Variants in B4GALNT3 observed in about 807,000 individuals in gnomAD.
B4GALNT3 encodes beta-1,4-N-acetylgalactosaminyltransferase 3.
B4GALNT3 carries 86 observed loss-of-function variants against 120.2 expected under a neutral mutation model. The ratio of observed to expected loss-of-function variants is 0.72; its 90% CI spans 0.60 to 0.86. B4GALNT3 has a LOEUF of 0.86. Ranked by LOEUF, B4GALNT3 falls within the 40% of genes least tolerant of loss-of-function variation. The probability of loss-of-function intolerance (pLI) is 0.00; values close to 1 mark genes in which losing one functional copy is unlikely to be tolerated. For synonymous variants in B4GALNT3, 518 were observed against 510.4 expected, an observed-to-expected ratio of 1.01 and a Z score of -0.20; for missense variants, 1,167 against 1,298.9, an observed-to-expected ratio of 0.90 and a Z score of 1.56.
At chr12:543,035 A>T in intron 3 of B4GALNT3, 1 of 1,138,392 alleles carries the variant, frequency 8.8e-7, no homozygotes, top group Non-Finnish European at 1.2e-6. Flanking sequence ...GGCTCCTCCT[A>T]GTTCCCTGTC....
At chr12:498,178 T>C (rs1946406459) in intron 1 of B4GALNT3, among the ~76,000 whole-genome samples, 1 of 152,204 alleles carries the variant, frequency 6.6e-6, no homozygotes, top group South Asian at 2.1e-4. Context: ...GAAGAGAGAT[T>C]GTTTTTCTGT....
intron 1 of B4GALNT3, among the ~76,000 whole-genome samples, chr12:505,873 C>G (rs1229556936): frequency 6.6e-6 from 1 of 152,204 alleles, no homozygotes; most frequent in Non-Finnish European, 1.5e-5. Flanking sequence ...TTTAAACCCT[C>G]TCCCATGAAG....
intron 1 of B4GALNT3, among the ~76,000 whole-genome samples, chr12:472,479 C>T (rs563887507): frequency 3.6e-5 from 5 of 139,322 alleles, no homozygotes; most frequent in East Asian, 3.9e-4. Flanking sequence ...GACGGAGTCT[C>T]GCTCTTTCGC....
At position 543,133 on chromosome 12, in the gene B4GALNT3, A is replaced by ATG. The variant is rs145499399; in HGVS notation, c.352-1193_352-1192dup. 8.1e-4 allele frequency: 1,004 copies of ATG among 1,240,028 alleles called. 7 individuals are homozygous for ATG. In the South Asian group the frequency reaches 9.1e-3, roughly 11 times the overall value. The allele number at this position is 1,240,028 out of a possible 1,614,324, so 76.8% of individuals were successfully genotyped here. On this transcript the variant is annotated intron_variant, in intron 3 of 19. Coordinates refer to ENST00000266383, the MANE Select transcript of B4GALNT3 (RefSeq NM_173593.4). ...CCTGCATGGGAGGTCCAGGGAGAGT[A>ATG]TGTGTGTGTGTGTGCATGGCCAGAG...
At chr12:487,658 AG>A (rs1324880302) in intron 1 of B4GALNT3, among the ~76,000 whole-genome samples, 4 of 151,820 alleles carry the variant, frequency 2.6e-5, no homozygotes, top group Non-Finnish European at 5.9e-5. Context: ...GGTTGCAGTG[AG>A]CCGAGATCGT....
intron 14 of B4GALNT3, chr12:555,275 T>C: frequency 2.2e-6 from 1 of 450,730 alleles, no homozygotes; most frequent in Non-Finnish European, 4.5e-6. Context: ...TGGCAATAAC[T>C]ACTTTCCTTT....
intron 1 of B4GALNT3, among the ~76,000 whole-genome samples, chr12:511,455 T>TCTTCCAC (rs1343649747): frequency 0.024 from 1,026 of 41,892 alleles, 179 homozygotes; most frequent in African/African-American, 0.15. Context: ...CCTTCCACCT[T>TCTTCCAC]CTTCCACCTT....
intron 1 of B4GALNT3, among the ~76,000 whole-genome samples, chr12:506,527 C>A (rs1008844066): frequency 6.6e-6 from 1 of 152,190 alleles, no homozygotes; most frequent in Non-Finnish European, 1.5e-5. Flanking sequence ...CAGAAGTAAG[C>A]ACCATAAAAA....
intron 1 of B4GALNT3, among the ~76,000 whole-genome samples, chr12:473,967 T>A (rs1946160624): frequency 6.6e-6 from 1 of 152,068 alleles, no homozygotes; most frequent in Non-Finnish European, 1.5e-5. Context: ...GACAGATAAC[T>A]CAGGGCTGGA....
intron 1 of B4GALNT3, among the ~76,000 whole-genome samples, chr12:520,418 C>T (rs906575851): frequency 6.6e-6 from 1 of 152,184 alleles, no homozygotes. Flanking sequence ...ATAGCCAGAC[C>T]ACATATCCTG....
chr12:515,790 A>G (rs1946647475), intron 1 of B4GALNT3, among the ~76,000 whole-genome samples: 1 of 152,136 alleles, frequency 6.6e-6, no homozygotes, highest in Non-Finnish European at 1.5e-5. Flanking sequence ...TGTCAGTAAC[A>G]TTGTTTGTTG....
At chr12:477,371 G>T (rs532306835) in intron 1 of B4GALNT3, among the ~76,000 whole-genome samples, 2 of 152,274 alleles carry the variant, frequency 1.3e-5, no homozygotes, top group African/African-American at 4.8e-5. Context: ...TCAGTTGGGG[G>T]TGGATCATGC....
At chr12:552,827 G>T in intron 13 of B4GALNT3, 1 of 502,964 alleles carries the variant, frequency 2.0e-6, no homozygotes, top group Non-Finnish European at 3.5e-6. Flanking sequence ...CGCACCATTT[G>T]GGAGGTTCTG....
intron 3 of B4GALNT3, 57 bp from the exon 4 acceptor site, chr12:544,268 CCTGGAGCTGAGGAT>C: frequency 6.8e-7 from 1 of 1,464,278 alleles, no homozygotes; most frequent in Non-Finnish European, 9.5e-7. Flanking sequence ...TGCTCATCCC[CCTGGAGCTGAGGAT>C]CTGGGGCGGG....
At chr12:516,390 G>A (rs767359403) in intron 1 of B4GALNT3, among the ~76,000 whole-genome samples, 3 of 152,140 alleles carry the variant, frequency 2.0e-5, no homozygotes, top group Non-Finnish European at 4.4e-5. Flanking sequence ...AGAAACCTTC[G>A]CAGGGAAGTG....
In B4GALNT3 at chr12:488,669, A is replaced by T. The variant is rs185933560; in HGVS notation, c.169+28124A>T. Reference sequence around the variant, plus strand: ...AAAAAAATTTAAAAATTAAATTTTTAAAATTTTTTTAACAATGGCACATGC... The same window carrying T: ...AAAAAAATTTAAAAATTAAATTTTTTAAATTTTTTTAACAATGGCACATGC... On this transcript the variant is annotated intron_variant, in intron 1 of 19. Transcript: ENST00000266383. Among the ~76,000 whole-genome samples the T allele has an allele frequency of 1.2e-3, 182 of 152,276 alleles. 1 individual carries two copies. The highest frequency in any genetic ancestry group is 1.8e-3 in the Non-Finnish European group (124 of 68,032).
At chr12:488,992 A>T (rs936723334) in intron 1 of B4GALNT3, among the ~76,000 whole-genome samples, 21 of 152,172 alleles carry the variant, frequency 1.4e-4, no homozygotes, top group African/African-American at 4.3e-4. Flanking sequence ...GCTATAAAAA[A>T]GAATGGGTTC....
intron 19 of B4GALNT3, among the ~76,000 whole-genome samples, chr12:560,139 G>A (rs1052976893): frequency 6.6e-6 from 1 of 152,184 alleles, no homozygotes; most frequent in African/African-American, 2.4e-5. Context: ...GGCAGAGAGA[G>A]GATGGTGCCT....
At chr12:490,912 A>G (rs1311864957) in intron 1 of B4GALNT3, among the ~76,000 whole-genome samples, 1 of 152,222 alleles carries the variant, frequency 6.6e-6, no homozygotes, top group Non-Finnish European at 1.5e-5. Flanking sequence ...AGAAAGCCCC[A>G]GGCCCAGATG....
Sources: allele counts gnomAD v4.1 joint callset (sites outside exome capture counted in the v4.1 genomes callset), GRCh38; gene constraint gnomAD v4.1.1; transcripts MANE v1.5; gene names NCBI Gene and HGNC (gene_info 2026-07-23, HGNC 2026-07-21).